Variants in GABRG1 observed in about 807,000 individuals in gnomAD.
GABRG1 encodes the protein gamma-aminobutyric acid type A receptor subunit gamma1.
GABRG1 carries 49 observed loss-of-function variants against 49.8 expected under a neutral mutation model. That is an observed-to-expected ratio of 0.98 (90% CI 0.78 to 1.25). The LOEUF (loss-of-function observed/expected upper bound fraction) is 1.25. Ranked by LOEUF, GABRG1 falls within the 50% of genes most tolerant of loss-of-function variation. The pLI is 0.00. For synonymous variants in GABRG1, 232 were observed against 185.1 expected, an observed-to-expected ratio of 1.25 and a Z score of -2.06; for missense variants, 552 against 552.3, an observed-to-expected ratio of 1.00 and a Z score of 0.01.
At chr4:46,079,467 G>A (rs1236514053) in intron 3 of GABRG1, among the ~76,000 whole-genome samples, 3 of 151,822 alleles carry the variant, frequency 2.0e-5, no homozygotes, top group South Asian at 2.1e-4. Flanking sequence ...TCACTTTTGC[G>A]ATTGGAAAAT....
At position 46,062,375 on chromosome 4, in the gene GABRG1, C is replaced by A. The variant is rs566249404; in HGVS notation, c.625+2066G>T. On this transcript the variant is annotated intron_variant, in intron 5 of 8. Transcript: ENST00000295452. ...CTTTATAGCAGCATGATCTATAGTCCTTTGGGTATATACCCAGTAATGGGA... is the reference window on the plus strand; with the variant it reads ...CTTTATAGCAGCATGATCTATAGTCATTTGGGTATATACCCAGTAATGGGA... Among the ~76,000 whole-genome samples the A allele has an allele frequency of 4.6e-4, 70 of 152,148 alleles. No individual in the cohort carries two copies. In the East Asian group the frequency reaches 0.013, roughly 29 times the overall value.
intron 2 of GABRG1, 43 bp from the exon 3 acceptor site, chr4:46,084,096 A>G (rs745628695): frequency 2.7e-6 from 3 of 1,092,714 alleles, no homozygotes. Flanking sequence ...ATATGATTAG[A>G]CATTGTTTTA....
chr4:46,056,142 TAAATAAATTAAAAAAAAA>T (rs1718423872), intron 7 of GABRG1, among the ~76,000 whole-genome samples: 1 of 5,742 alleles, frequency 1.7e-4, no homozygotes, highest in African/African-American at 1.3e-3. Context: ...AAAAAATAAA[TAAATAAATTAAAAAAAAA>T]AAAAAAAAAA....
intron 2 of GABRG1, among the ~76,000 whole-genome samples, chr4:46,091,113 C>A (rs1719975191): frequency 6.6e-6 from 1 of 151,916 alleles, no homozygotes; most frequent in African/African-American, 2.4e-5. Context: ...TCTAAAACAA[C>A]AGGAAGAGAG....
chr4:46,106,338 T>A (rs1720545432), intron 1 of GABRG1, among the ~76,000 whole-genome samples: 1 of 151,448 alleles, frequency 6.6e-6, no homozygotes, highest in Non-Finnish European at 1.5e-5. Context: ...CTTCACTGGG[T>A]CCCAGGGGAT....
intron 1 of GABRG1, among the ~76,000 whole-genome samples, chr4:46,105,766 A>G (rs932359610): frequency 4.9e-5 from 7 of 141,670 alleles, no homozygotes; most frequent in Admixed American, 4.4e-4. Context: ...AGTTAGATAG[A>G]TAGATGGATG....
rs761146648 is a variant in GABRG1 at position 46,084,027 on chromosome 4, C to T, written c.280G>A (p.Val94Ile). 6.3e-7 allele frequency: 1 copy of T among 1,586,026 alleles called. No homozygotes were observed. Among genetic ancestry groups the T allele is most frequent in the South Asian group, 1.1e-5 (1 of 88,926 alleles). The part of the protein sequence containing the change: ...GVRPTVIETD[V>I]YVNSIGPVDP... The stretch of plus-strand genomic sequence containing the variant: ...ACTGGTCCAATGCTGTTTACATAAA[C>T]ATCAGTTTCAATTACTGTGGGCCTC... Residue 94 changes from valine to isoleucine, a missense_variant, in exon 3 of 9, where the codon GTT (valine) becomes ATT (isoleucine). Transcript: ENST00000295452.
At position 46,037,373 on chromosome 4, in the gene GABRG1, T is replaced by C. The variant is rs942786447; in HGVS notation, c.*3615A>G. 1.3e-5 allele frequency: 2 copies of C among 151,798 alleles called. No homozygotes were observed. The highest frequency in any genetic ancestry group is 2.9e-5 in the Non-Finnish European group (2 of 67,862). The allele number at this position is 151,798 out of a possible 1,614,324, so 9.4% of individuals were successfully genotyped here. On this transcript the variant is annotated 3_prime_UTR_variant, in exon 9 of 9. Transcript: ENST00000295452. ...TTTGGTAATGGTTTTTGTAACTGTA[T>C]AGAAGCCTGGCAAGACCTTCCTAGC...
At chr4:46,090,200 C>T (rs1310074316) in intron 2 of GABRG1, among the ~76,000 whole-genome samples, 1 of 151,870 alleles carries the variant, frequency 6.6e-6, no homozygotes, top group African/African-American at 2.4e-5. Context: ...GTCAGATGCA[C>T]AGAAAAAAAT....
At chr4:46,073,542 G>T (rs1369406675) in intron 3 of GABRG1, among the ~76,000 whole-genome samples, 1 of 151,854 alleles carries the variant, frequency 6.6e-6, no homozygotes, top group Non-Finnish European at 1.5e-5. Flanking sequence ...TTATCACTGT[G>T]GGTTATTTGG....
chr4:46,096,828 T>G (rs1282162087), intron 2 of GABRG1, among the ~76,000 whole-genome samples: 1 of 151,664 alleles, frequency 6.6e-6, no homozygotes, highest in African/African-American at 2.4e-5. Flanking sequence ...CAATATGGCA[T>G]GAAAAAGTAT....
rs376830975 is a variant in GABRG1 at position 46,041,136 on chromosome 4, C to G, written c.1250G>C (p.Cys417Ser). 1 of 1,613,236 alleles carries G rather than the reference C, an allele frequency of 6.2e-7. No homozygotes were observed. The highest frequency in any genetic ancestry group is 8.5e-7 in the Non-Finnish European group (1 of 1,179,460). ...LEGKDCASFF[C>S]CFEDCRTGSW... ...TCCTGTTCTGCAGTCTTCAAAGCAA[C>G]AGAAGAAGCTGGCACAATCTTTGCC... The change falls in exon 9 of 9, where the codon TGT (cysteine) becomes TCT (serine). Residue 417 changes from cysteine (C) to serine (S), a missense_variant. Physicochemically the swap from Cys to Ser is moderately radical, Grantham distance 112. Transcript: ENST00000295452.
At chr4:46,091,471 G>A (rs1397872109) in intron 2 of GABRG1, among the ~76,000 whole-genome samples, 1 of 151,880 alleles carries the variant, frequency 6.6e-6, no homozygotes, top group African/African-American at 2.4e-5. Flanking sequence ...AGTTACTCAA[G>A]TTATCAAGAC....
At chr4:46,097,823 T>A (rs1720230443) in intron 1 of GABRG1, among the ~76,000 whole-genome samples, 1 of 151,580 alleles carries the variant, frequency 6.6e-6, no homozygotes, top group African/African-American at 2.4e-5. Flanking sequence ...AAAAATTGAG[T>A]AAAGGAAGGT....
At position 46,038,033 on chromosome 4, in the gene GABRG1, T is replaced by C. The variant is rs1266550276; in HGVS notation, c.*2955A>G. The C allele has an allele frequency of 6.6e-6, 1 of 151,734 alleles. No individual in the cohort carries two copies. The highest frequency in any genetic ancestry group is 1.5e-5 in the Non-Finnish European group (1 of 67,728). The allele number at this position is 151,734 out of a possible 1,614,324, so 9.4% of individuals were successfully genotyped here. On this transcript the variant is annotated 3_prime_UTR_variant, in exon 9 of 9. Transcript: ENST00000295452. Reference sequence around the variant, plus strand: ...TGCCTTCATATTTATACACATTTACTGTGCTTAATTTAAAGTTGATCAATT... The same window carrying C: ...TGCCTTCATATTTATACACATTTACCGTGCTTAATTTAAAGTTGATCAATT...
At chr4:46,075,984 T>C (rs1719311013) in intron 3 of GABRG1, among the ~76,000 whole-genome samples, 1 of 151,914 alleles carries the variant, frequency 6.6e-6, no homozygotes, top group Non-Finnish European at 1.5e-5. Context: ...AGGAAGATAA[T>C]AAATTCCTTA....
At chr4:46,086,645 A>AT (rs1252740711) in intron 2 of GABRG1, among the ~76,000 whole-genome samples, 1 of 151,156 alleles carries the variant, frequency 6.6e-6, no homozygotes, top group South Asian at 2.1e-4. Flanking sequence ...ATCACACATA[A>AT]TTTTTTTTCT....
intron 1 of GABRG1, among the ~76,000 whole-genome samples, chr4:46,114,678 C>A (rs978725194): frequency 6.6e-6 from 1 of 150,700 alleles, no homozygotes; most frequent in East Asian, 2.0e-4. Context: ...AAATTTAAAT[C>A]CTATTGTGCT....
At chr4:46,041,541 T>C (rs1173713785) in intron 8 of GABRG1, among the ~76,000 whole-genome samples, 1 of 151,938 alleles carries the variant, frequency 6.6e-6, no homozygotes, top group African/African-American at 2.4e-5. Context: ...TGGATCTAAT[T>C]CTAAAATAAA....
Sources: gnomAD v4.1 joint callset for allele counts (sites outside exome capture counted in the v4.1 genomes callset) on GRCh38, gnomAD v4.1.1 for gene constraint, MANE v1.5 for transcripts, NCBI Gene and HGNC (gene_info 2026-07-23, HGNC 2026-07-21) for gene names.